Variants in STRN3 observed in about 807,000 individuals in gnomAD.
STRN3 encodes striatin 3, also known as striatin-3.
Under a neutral mutation model 95.6 loss-of-function variants are expected in STRN3, and 29 were observed. The ratio of observed to expected loss-of-function variants is 0.30; its 90% CI spans 0.23 to 0.41. The LOEUF is 0.41. Ranked by LOEUF, STRN3 falls within the 10% of genes least tolerant of loss-of-function variation. The pLI is 1.00. For synonymous variants in STRN3, 331 were observed against 357.6 expected (o/e 0.93, Z 0.84); for missense variants, 890 against 972.1 (o/e 0.92, Z 1.12).
chr14:30,927,007 A>G lies in STRN3; in HGVS notation c.1099+2194T>C, dbSNP rs372848180. On this transcript the variant is annotated intron_variant, in intron 8 of 17. Coordinates refer to ENST00000357479, the MANE Select transcript of STRN3 (RefSeq NM_001083893.2). ...ATATTGTGTGTACTAAGGTCCAATTAAAAAAAAAACATAAGGTCAAGCACG... is the reference window on the plus strand; with the variant it reads ...ATATTGTGTGTACTAAGGTCCAATTGAAAAAAAAACATAAGGTCAAGCACG... Among the ~76,000 whole-genome samples the G allele has an allele frequency of 3.3e-4, 49 of 150,142 alleles. 1 individual carries two copies. In the East Asian group the frequency reaches 8.9e-3, roughly 27 times the overall value.
At chr14:31,013,815 G>C (rs983835746) in intron 1 of STRN3, among the ~76,000 whole-genome samples, 3 of 149,938 alleles carry the variant, frequency 2.0e-5, no homozygotes, top group Middle Eastern at 3.2e-3. Flanking sequence ...GGCTGGTCTC[G>C]AACTCCTGGC....
chr14:30,932,909 C>A (rs1025361646), intron 7 of STRN3, among the ~76,000 whole-genome samples: 12 of 151,982 alleles, frequency 7.9e-5, no homozygotes, highest in Non-Finnish European at 1.2e-4. Flanking sequence ...TGAAAATAAG[C>A]TAAATGTGCA....
At chr14:30,947,910 C>T (rs1261087241) in intron 4 of STRN3, among the ~76,000 whole-genome samples, 1 of 152,028 alleles carries the variant, frequency 6.6e-6, no homozygotes, top group Non-Finnish European at 1.5e-5. Context: ...GGTTCTGTGA[C>T]AAATTAAAGT....
intron 9 of STRN3, 25 bp downstream of exon 9, chr14:30,918,941 T>C (rs1019340297): frequency 3.3e-5 from 50 of 1,534,842 alleles, no homozygotes; most frequent in Non-Finnish European, 4.3e-5. Flanking sequence ...GAAATGTAAA[T>C]AAACATGGTA....
intron 8 of STRN3, among the ~76,000 whole-genome samples, chr14:30,922,293 G>A (rs1344574923): frequency 1.3e-5 from 2 of 152,094 alleles, no homozygotes; most frequent in Non-Finnish European, 2.9e-5. Context: ...ATCCCAAAGT[G>A]CTAGGATTGC....
chr14:31,007,572 CCTA>C (rs1253610771), intron 1 of STRN3, among the ~76,000 whole-genome samples: 1 of 152,024 alleles, frequency 6.6e-6, no homozygotes, highest in Non-Finnish European at 1.5e-5. Flanking sequence ...TGTAATAAAT[CCTA>C]CTAACATAGT....
At chr14:30,939,786 T>A (rs1879005780) in intron 5 of STRN3, among the ~76,000 whole-genome samples, 1 of 152,234 alleles carries the variant, frequency 6.6e-6, no homozygotes, top group Middle Eastern at 3.4e-3. Context: ...ATTTACCCTA[T>A]TTTTTCTAAA....
intron 4 of STRN3, among the ~76,000 whole-genome samples, chr14:30,950,287 T>C (rs985450778): frequency 6.6e-6 from 1 of 152,024 alleles, no homozygotes; most frequent in South Asian, 2.1e-4. Context: ...AAGGTAAAGA[T>C]ACCTACAGCA....
At chr14:30,964,940 AAG>A (rs1448541367) in intron 1 of STRN3, among the ~76,000 whole-genome samples, 3 of 152,078 alleles carry the variant, frequency 2.0e-5, no homozygotes, top group Non-Finnish European at 2.9e-5. Context: ...AAGAAAAAAA[AAG>A]AGAGTCTTGG....
intron 8 of STRN3, among the ~76,000 whole-genome samples, chr14:30,924,400 GCCTCAGCCTC>G (rs1566438232): frequency 6.9e-6 from 1 of 145,698 alleles, no homozygotes; most frequent in East Asian, 2.0e-4. Context: ...CGATTCTCCT[GCCTCAGCCTC>G]CCCAAGTAGC....
At chr14:31,001,112 C>T (rs1166874870) in intron 1 of STRN3, among the ~76,000 whole-genome samples, 1 of 152,158 alleles carries the variant, frequency 6.6e-6, no homozygotes, top group East Asian at 1.9e-4. Context: ...GTATCTAAGT[C>T]AGATTAAAAA....
In STRN3 at chr14:31,025,909, G is replaced by T; in HGVS notation, c.277C>A (p.Leu93Met). Reference protein sequence around the residue: ...RAHWEVERAELQARIAFLQGE... With the variant: ...RAHWEVERAEMQARIAFLQGE... Reference sequence around the variant, plus strand: ...CACCGACCCCAACGAGGTACCTGCAGTTCGGCCCGTTCCACCTCCCAGTGC... The same window carrying T: ...CACCGACCCCAACGAGGTACCTGCATTTCGGCCCGTTCCACCTCCCAGTGC... The change falls in exon 1 of 18, where the codon CTG becomes ATG. Residue 93 changes from leucine (L) to methionine (M), a missense_variant. Leu to Met is a conservative substitution (Grantham distance 15). Around this residue, in one of 3 missense-constraint regions of STRN3, gnomAD observed 526 missense variants for 526.3 expected, o/e 1.00. Coordinates refer to ENST00000357479, the MANE Select transcript of STRN3 (RefSeq NM_001083893.2). The T allele has an allele frequency of 1.2e-6, 2 of 1,600,606 alleles. No homozygotes were observed. Among genetic ancestry groups the T allele is most frequent in the East Asian group, 2.3e-5 (1 of 43,810 alleles).
intron 7 of STRN3, among the ~76,000 whole-genome samples, chr14:30,933,227 C>A (rs886393578): frequency 7.9e-6 from 1 of 126,432 alleles, no homozygotes; most frequent in South Asian, 2.7e-4. Context: ...CACAGACAGC[C>A]AAGATTGCAC....
chr14:30,905,505 C>T lies in STRN3; in HGVS notation c.1942G>A (p.Val648Ile), dbSNP rs145137457. The T allele has an allele frequency of 1.4e-5, 22 of 1,609,800 alleles. No individual in the cohort carries two copies. In the African/African-American group the frequency reaches 2.0e-4, roughly 15 times the overall value. The change falls in exon 15 of 18, where the codon GTA becomes ATA. Residue 648 changes from valine (V) to isoleucine (I), a missense_variant. Physicochemically the swap from Val to Ile is conservative, Grantham distance 29. Transcript: ENST00000357479. ...DFIGCDPAHM[V>I]TSFNTGSAVI... Reference sequence around the variant, plus strand: ...GCACTACCAGTGTTGAAAGAGGTTACCATATGAGCTGGATCACAGCCTATA... The same window carrying T: ...GCACTACCAGTGTTGAAAGAGGTTATCATATGAGCTGGATCACAGCCTATA...
intron 1 of STRN3, among the ~76,000 whole-genome samples, chr14:31,006,482 G>A (rs1475173321): frequency 6.6e-6 from 1 of 152,094 alleles, no homozygotes; most frequent in Admixed American, 6.6e-5. Flanking sequence ...GATTACCTGA[G>A]GTTAGGAGTT....
rs2138986602 is a variant in STRN3 at position 30,911,064 on chromosome 14, C to T, written c.1697G>A (p.Ser566Asn). The change falls in exon 13 of 18, where the codon AGT (serine) becomes AAT (asparagine). Residue 566 changes from serine to asparagine, a missense_variant. Around this residue, in one of 3 missense-constraint regions of STRN3, gnomAD observed 357 missense variants for 422.8 expected, o/e 0.84. Coordinates refer to ENST00000357479, the MANE Select transcript of STRN3 (RefSeq NM_001083893.2). The stretch of plus-strand genomic sequence containing the variant: ...ACCATATGTATCATATGGATCTACA[C>T]TGGGACTCGGCATATTCCACCACTG... ...TIQWWNMPSPSVDPYDTYEPN... is the reference protein window; with the variant it reads ...TIQWWNMPSPNVDPYDTYEPN... 6.2e-7 allele frequency: 1 copy of T among 1,613,930 alleles called. No homozygotes were observed. The highest frequency in any genetic ancestry group is 8.5e-7 in the Non-Finnish European group (1 of 1,179,960).
chr14:30,922,593 G>A (rs187054844), intron 8 of STRN3, among the ~76,000 whole-genome samples: 25 of 152,100 alleles, frequency 1.6e-4, no homozygotes, highest in African/African-American at 6.0e-4. Context: ...TTTCTCAAAT[G>A]AGCCCTCCCT....
At chr14:31,020,901 C>T (rs1045764406) in intron 1 of STRN3, among the ~76,000 whole-genome samples, 1 of 151,404 alleles carries the variant, frequency 6.6e-6, no homozygotes, top group Admixed American at 6.6e-5. Context: ...GTAGGACGCT[C>T]TCTTGAAAAA....
intron 4 of STRN3, among the ~76,000 whole-genome samples, chr14:30,950,197 C>T (rs576456470): frequency 3.2e-4 from 48 of 152,204 alleles, no homozygotes; most frequent in African/African-American, 1.1e-3. Context: ...GGGCAAATAA[C>T]ACAGTGGTCG....
Sources: allele counts gnomAD v4.1 joint callset (sites outside exome capture counted in the v4.1 genomes callset), GRCh38; gene constraint gnomAD v4.1.1; regional missense constraint gnomAD v4.1.1; transcripts MANE v1.5; gene names NCBI Gene and HGNC (gene_info 2026-07-23, HGNC 2026-07-21).